PTPRG: variants seen among roughly 807,000 people sequenced by gnomAD.
The protein encoded by PTPRG is receptor-type tyrosine-protein phosphatase gamma.
A neutral mutation model predicts 165.3 loss-of-function variants in PTPRG; 102 were observed. The ratio of observed to expected loss-of-function variants is 0.62; its 90% CI spans 0.53 to 0.73. The LOEUF is 0.73. Among genes scored for constraint, PTPRG ranks in the 30% least tolerant of loss-of-function variants. The pLI is 0.00. For synonymous variants in PTPRG, 675 were observed against 669.5 expected (o/e 1.01, Z -0.13); for missense variants, 1,866 against 1,861.4 (o/e 1.00, Z -0.05).
chr3:62,291,018 A>AAAT (rs1702871064), intron 28 of PTPRG, among the ~76,000 whole-genome samples: 2 of 152,164 alleles, frequency 1.3e-5, no homozygotes, highest in African/African-American at 4.8e-5. Context: ...GACACTATAA[A>AAAT]AATAACTCCT....
chr3:61,933,141 G>A (rs998827852), intron 2 of PTPRG, among the ~76,000 whole-genome samples: 2 of 152,110 alleles, frequency 1.3e-5, no homozygotes, highest in African/African-American at 4.8e-5. Context: ...AAACAAAAAG[G>A]TAAAAGACAG....
At chr3:61,681,952 C>T (rs1013252185) in intron 1 of PTPRG, among the ~76,000 whole-genome samples, 3 of 152,008 alleles carry the variant, frequency 2.0e-5, no homozygotes, top group African/African-American at 7.2e-5. Context: ...GAGATCGAGA[C>T]CAGCCTGGCC....
intron 2 of PTPRG, among the ~76,000 whole-genome samples, chr3:61,969,188 G>A (rs1030825838): frequency 6.6e-6 from 1 of 152,178 alleles, no homozygotes; most frequent in African/African-American, 2.4e-5. Flanking sequence ...ATGATAGTTA[G>A]CAATGGTGAC....
At chr3:61,956,836 A>T (rs550223944) in intron 2 of PTPRG, among the ~76,000 whole-genome samples, 2 of 152,022 alleles carry the variant, frequency 1.3e-5, no homozygotes, top group Non-Finnish European at 2.9e-5. Flanking sequence ...CTCTTTAGCT[A>T]TTTCCCTCTT....
At chr3:61,989,883 A>G (rs1309959655) in intron 3 of PTPRG, 79 bp downstream of exon 3, 3 of 1,499,748 alleles carry the variant, frequency 2.0e-6, no homozygotes, top group African/African-American at 2.8e-5. Context: ...CTTAACCATG[A>G]CTTGCTCCTT....
chr3:61,994,421 G>A (rs1363692966), intron 3 of PTPRG, among the ~76,000 whole-genome samples: 2 of 151,930 alleles, frequency 1.3e-5, no homozygotes, highest in African/African-American at 2.4e-5. Context: ...ACATTGTATT[G>A]GTTTATTATA....
At chr3:61,599,519 G>T (rs62243057) in intron 1 of PTPRG, among the ~76,000 whole-genome samples, 50,165 of 151,902 alleles carry the variant, frequency 0.33, 9,244 homozygotes, top group South Asian at 0.5. Context: ...TTGAGACAGG[G>T]TCTAGCTCTG....
chr3:61,989,797 G>A lies in PTPRG; in HGVS notation c.363G>A (p.Gly121=). 4 of 1,613,904 alleles carry A rather than the reference G, an allele frequency of 2.5e-6. No individual in the cohort carries two copies. Among genetic ancestry groups the A allele is most frequent in the Non-Finnish European group, 3.4e-6 (4 of 1,179,918 alleles). Residue 121 remains glycine, a synonymous_variant, in exon 3 of 30, where the codon GGG becomes GGA. Transcript: ENST00000474889. ...ACAAAACCTGGATGAAAAACACAGG[G>A]AAAACAGGTAGACAATGGCTTCTTT... The part of the protein sequence containing the change: ...SSNKTWMKNT[G]KTVAILLKDD...
intron 2 of PTPRG, among the ~76,000 whole-genome samples, chr3:61,956,780 G>T (rs773822079): frequency 4.6e-5 from 7 of 152,176 alleles, no homozygotes; most frequent in Non-Finnish European, 1.0e-4. Flanking sequence ...TGACATTTCT[G>T]ATTGGAAAGG....
At chr3:61,886,380 T>G (rs1229376880) in intron 2 of PTPRG, among the ~76,000 whole-genome samples, 2 of 152,242 alleles carry the variant, frequency 1.3e-5, no homozygotes, top group Non-Finnish European at 2.9e-5. Flanking sequence ...GTAGTTCATT[T>G]ACTTACCTAT....
At chr3:61,707,788 C>A (rs2365945) in intron 1 of PTPRG, among the ~76,000 whole-genome samples, 2 of 151,846 alleles carry the variant, frequency 1.3e-5, no homozygotes, top group Admixed American at 1.3e-4. Flanking sequence ...TTTTTAATGC[C>A]TATTTTATTA....
intron 8 of PTPRG, among the ~76,000 whole-genome samples, chr3:62,184,015 T>G (rs988321972): frequency 6.6e-6 from 1 of 152,200 alleles, no homozygotes; most frequent in Non-Finnish European, 1.5e-5. Flanking sequence ...TGGTTCAGAC[T>G]CAGGCAGATT....
Position 62,214,866 on chromosome 3 carries a change from A to G in PTPRG, c.2156-3985A>G, listed in dbSNP as rs543197147. 3.9e-5 allele frequency among the ~76,000 whole-genome samples: 6 copies of G among 152,360 alleles called. No homozygotes were observed. Among genetic ancestry groups the G allele is most frequent in the Middle Eastern group, 3.4e-3 (1 of 294 alleles). On this transcript the variant is annotated intron_variant, in intron 12 of 29. Transcript: ENST00000474889. The surrounding 1 kb of genome is among the most constrained non-coding windows in gnomAD (Gnocchi z 5.2). ...AATGGCCAAGCCAGGATTTGAACCT[A>G]TAATCTCTGCTCTGCCCTTAAGAGA...
Position 62,191,637 on chromosome 3 carries a change from A to G in PTPRG, c.1202A>G (p.Asp401Gly). Reference protein sequence around the residue: ...EDEKEKTFTKDSDKDLKATIS... With the variant: ...EDEKEKTFTKGSDKDLKATIS... ...GAGAAGGAGAAGACGTTTACAAAGG[A>G]CAGCGACAAAGACTTGGTATGAAGC... is the stretch of plus-strand genomic sequence containing the variant. Residue 401 changes from aspartate (D) to glycine (G), a missense_variant, in exon 9 of 30, where the codon GAC (aspartate) becomes GGC (glycine). Asp to Gly is a moderately conservative substitution (Grantham distance 94). Around this residue, in one of 3 missense-constraint regions of PTPRG, gnomAD observed 1,452 missense variants for 1,463.0 expected, o/e 0.99. Coordinates refer to ENST00000474889, the MANE Select transcript of PTPRG (RefSeq NM_002841.4). The G allele has an allele frequency of 6.2e-7, 1 of 1,614,106 alleles. No individual in the cohort carries two copies. Among genetic ancestry groups the G allele is most frequent in the Non-Finnish European group, 8.5e-7 (1 of 1,179,984 alleles).
intron 2 of PTPRG, among the ~76,000 whole-genome samples, chr3:61,790,648 T>C (rs1171154123): frequency 6.6e-6 from 1 of 152,150 alleles, no homozygotes; most frequent in Non-Finnish European, 1.5e-5. Flanking sequence ...AGCTATTTAC[T>C]TTACCCTTGG....
At chr3:61,604,317 C>T (rs1332766148) in intron 1 of PTPRG, among the ~76,000 whole-genome samples, 6 of 152,154 alleles carry the variant, frequency 3.9e-5, no homozygotes, top group Non-Finnish European at 8.8e-5. Context: ...GGGTGAGACT[C>T]CGTCTCAAAA....
At chr3:61,584,429 T>C (rs947385814) in intron 1 of PTPRG, among the ~76,000 whole-genome samples, 3 of 152,166 alleles carry the variant, frequency 2.0e-5, no homozygotes, top group African/African-American at 7.2e-5. Context: ...TCTTATCGTA[T>C]CTTGTCCCTC....
chr3:62,221,059 G>A (rs1418936574), intron 13 of PTPRG, among the ~76,000 whole-genome samples: 1 of 152,162 alleles, frequency 6.6e-6, no homozygotes, highest in African/African-American at 2.4e-5. Flanking sequence ...TTTCTTATAG[G>A]GAAGGGCTGT....
intron 2 of PTPRG, among the ~76,000 whole-genome samples, chr3:61,906,675 G>C (rs957164929): frequency 1.3e-5 from 2 of 152,148 alleles, no homozygotes; most frequent in African/African-American, 4.8e-5. Context: ...AGCTCCTCTA[G>C]ATGTTGAGGT....
Sources: gnomAD v4.1 joint callset for allele counts (sites outside exome capture counted in the v4.1 genomes callset) on GRCh38, gnomAD v4.1.1 for gene constraint, gnomAD v4.1.1 regional missense constraint, Gnocchi (gnomAD v3.1) non-coding constraint, MANE v1.5 for transcripts, NCBI Gene and HGNC (gene_info 2026-07-23, HGNC 2026-07-21) for gene names.